CAST: variants seen among roughly 807,000 people sequenced by gnomAD.
CAST encodes the protein calpastatin.
A neutral mutation model predicts 119.6 loss-of-function variants in CAST; 76 were observed. The observed-to-expected ratio is 0.64, with a 90% CI of 0.53 to 0.77. The LOEUF (loss-of-function observed/expected upper bound fraction) is 0.77. Among genes scored for constraint, CAST ranks in the 30% least tolerant of loss-of-function variants. The pLI is 0.00. For synonymous variants in CAST, 319 were observed against 331.6 expected (o/e 0.96, Z 0.41); for missense variants, 953 against 946.5 (o/e 1.01, Z -0.09).
chr5:96,267,017 C>T, the CAST span, among the ~76,000 whole-genome samples: 1 of 152,062 alleles, frequency 6.6e-6, no homozygotes, highest in South Asian at 2.1e-4. Context: ...CTGAGAAATG[C>T]ATTTGCTGAA....
the CAST span, among the ~76,000 whole-genome samples, chr5:96,102,417 C>T: frequency 6.6e-6 from 1 of 152,194 alleles, no homozygotes; most frequent in South Asian, 2.1e-4. Context: ...AGCCAGTTCT[C>T]TCCCCTACTA....
the CAST span, among the ~76,000 whole-genome samples, chr5:96,375,518 A>G: frequency 1.3e-5 from 2 of 152,050 alleles, no homozygotes; most frequent in Non-Finnish European, 2.9e-5. Flanking sequence ...AGAAATATAA[A>G]AAACACAAAA....
At chr5:96,259,713 C>T in the CAST span, among the ~76,000 whole-genome samples, 1 of 152,014 alleles carries the variant, frequency 6.6e-6, no homozygotes, top group Non-Finnish European at 1.5e-5. Flanking sequence ...TTTCTCTTCT[C>T]CTTCGTTTCC....
At chr5:96,512,375 C>T in the CAST span, among the ~76,000 whole-genome samples, 1 of 152,142 alleles carries the variant, frequency 6.6e-6, no homozygotes, top group Admixed American at 6.5e-5. Flanking sequence ...CAAGTGCTTC[C>T]CACCCTCAAT....
intron 1 of CAST, among the ~76,000 whole-genome samples, chr5:96,534,192 C>T (rs1162541515): frequency 1.3e-5 from 2 of 152,122 alleles, no homozygotes. Context: ...TTTGGAGGAT[C>T]TGCAAATCAC....
chr5:96,683,464 C>T (rs1318239443), intron 2 of CAST, among the ~76,000 whole-genome samples: 1 of 152,204 alleles, frequency 6.6e-6, no homozygotes, highest in Non-Finnish European at 1.5e-5. Flanking sequence ...GAATCAAGCT[C>T]CTCTATTCTA....
At chr5:96,449,698 T>A in the CAST span, among the ~76,000 whole-genome samples, 1 of 152,224 alleles carries the variant, frequency 6.6e-6, no homozygotes, top group Admixed American at 6.5e-5. Flanking sequence ...TTGTCCAATC[T>A]TCTCTCACTA....
the CAST span, among the ~76,000 whole-genome samples, chr5:96,429,531 G>A: frequency 3.3e-5 from 5 of 151,984 alleles, no homozygotes; most frequent in Admixed American, 6.6e-5. Flanking sequence ...GGGTATTTTT[G>A]TACAGATTAT....
chr5:96,693,796 A>G (rs1752987812), intron 2 of CAST, among the ~76,000 whole-genome samples: 1 of 152,246 alleles, frequency 6.6e-6, no homozygotes, highest in African/African-American at 2.4e-5. Flanking sequence ...CCCTCCTTTT[A>G]CCATCTCACA....
intron 2 of CAST, among the ~76,000 whole-genome samples, chr5:96,681,665 G>A (rs1200999573): frequency 1.4e-5 from 2 of 147,894 alleles, no homozygotes; most frequent in South Asian, 2.1e-4. Flanking sequence ...CCCGGGAGGC[G>A]GAGCTTGCAG....
chr5:96,485,884 C>A, the CAST span, among the ~76,000 whole-genome samples: 1 of 152,094 alleles, frequency 6.6e-6, no homozygotes, highest in East Asian at 1.9e-4. Flanking sequence ...TGGGGGTGTA[C>A]AAAGACACAC....
chr5:95,978,287 T>A, the CAST span, among the ~76,000 whole-genome samples: 8 of 152,342 alleles, frequency 5.3e-5, no homozygotes, highest in South Asian at 1.2e-3. Context: ...TGTTCTTCTT[T>A]CTCTGCAACC....
At chr5:96,581,692 C>T (rs1181050900) in intron 1 of CAST, among the ~76,000 whole-genome samples, 2 of 152,088 alleles carry the variant, frequency 1.3e-5, no homozygotes, top group Non-Finnish European at 2.9e-5. Context: ...AGATCGAGAC[C>T]ATCCTGGCTA....
chr5:96,619,945 C>T (rs1747566873), intron 1 of CAST, among the ~76,000 whole-genome samples: 1 of 152,244 alleles, frequency 6.6e-6, no homozygotes, highest in African/African-American at 2.4e-5. Flanking sequence ...GAGGTTAAAT[C>T]TCTCCAAGCT....
In CAST at chr5:96,741,120, C is replaced by T. The variant is rs1421200129; in HGVS notation, c.919-146C>T. The T allele has an allele frequency of 2.1e-5, 13 of 612,114 alleles. No homozygotes were observed. In the Admixed American group the frequency reaches 2.4e-4, roughly 11 times the overall value. The allele number at this position is 612,114 out of a possible 1,614,324, so 37.9% of individuals were successfully genotyped here. The stretch of plus-strand genomic sequence containing the variant: ...GAGTAGCCACTCTCTTCAAAACATA[C>T]ACTTTGATCTAAGTTGTTTCATTAA... On this transcript the variant is annotated intron_variant, in intron 13 of 31. Transcript: ENST00000675179.
the CAST span, among the ~76,000 whole-genome samples, chr5:96,372,186 G>T: frequency 6.6e-6 from 1 of 152,172 alleles, no homozygotes; most frequent in African/African-American, 2.4e-5. Context: ...AGGTTTATGG[G>T]CTGCTACAAC....
the CAST span, among the ~76,000 whole-genome samples, chr5:96,452,906 C>T: frequency 1.6e-5 from 2 of 128,024 alleles, no homozygotes; most frequent in African/African-American, 6.3e-5. Context: ...GCCGAGATTG[C>T]GCCACTGCAG....
the CAST span, among the ~76,000 whole-genome samples, chr5:96,109,001 T>C: frequency 6.6e-6 from 1 of 152,374 alleles, no homozygotes; most frequent in Admixed American, 6.5e-5. Flanking sequence ...GTGCCGTCTG[T>C]CACCCCTTTC....
chr5:96,047,988 G>C, the CAST span, among the ~76,000 whole-genome samples: 2 of 152,162 alleles, frequency 1.3e-5, no homozygotes, highest in African/African-American at 4.8e-5. Flanking sequence ...AGGGAATATA[G>C]AACTGAAGGG....
Sources: gnomAD v4.1 joint callset for allele counts (sites outside exome capture counted in the v4.1 genomes callset) on GRCh38, gnomAD v4.1.1 for gene constraint, MANE v1.5 for transcripts, NCBI Gene and HGNC (gene_info 2026-07-23, HGNC 2026-07-21) for gene names.